The following BLVRA variants were observed in gnomAD, a reference collection of about 807,000 sequenced individuals.
The protein encoded by BLVRA is BVR A.
In BLVRA, 22 loss-of-function variants were observed where a neutral mutation model predicts 32.8. The ratio of observed to expected loss-of-function variants is 0.67; its 90% CI spans 0.48 to 0.96. BLVRA has a LOEUF of 0.96. BLVRA is among the 40% of genes least tolerant of loss of function. The pLI, the probability that BLVRA is intolerant of heterozygous loss-of-function variation, is 0.00. For missense variants in BLVRA, 323 were observed against 358.1 expected (o/e 0.90, Z 0.79); for synonymous variants, 119 against 141.3 (o/e 0.84, Z 1.12).
chr7:43,799,151 C>G (rs1424965329), intron 5 of BLVRA, among the ~76,000 whole-genome samples: 1 of 152,148 alleles, frequency 6.6e-6, no homozygotes, highest in Non-Finnish European at 1.5e-5. Context: ...TGGGAAGGAC[C>G]CCATCCTCCC....
Position 43,787,728 on chromosome 7 carries a change from C to G in BLVRA, c.13-176C>G, listed in dbSNP as rs2095779530. Among the ~76,000 whole-genome samples the G allele has an allele frequency of 6.6e-6, 1 of 152,214 alleles. No individual in the cohort carries two copies. Among genetic ancestry groups the G allele is most frequent in the South Asian group, 2.1e-4 (1 of 4,832 alleles). Reference sequence around the variant, plus strand: ...GAACAGGTTTTGGCGGGACTGACTTCTCTCCAAGCCCCCATTTCGGGGACT... The same window carrying G: ...GAACAGGTTTTGGCGGGACTGACTTGTCTCCAAGCCCCCATTTCGGGGACT... On this transcript the variant is annotated intron_variant, in intron 2 of 7. Transcript: ENST00000265523. This position sits in a 1 kb window ranked among gnomAD's most constrained non-coding sequence, Gnocchi z 4.5.
intron 1 of BLVRA, chr7:43,764,048 GA>G (rs1185128475): frequency 6.6e-6 from 1 of 152,232 alleles, no homozygotes; most frequent in Admixed American, 6.5e-5. Flanking sequence ...ATCTGCTGAA[GA>G]AAGATGTTCT....
At chr7:43,796,606 G>C (rs2095793122) in intron 5 of BLVRA, among the ~76,000 whole-genome samples, 1 of 152,166 alleles carries the variant, frequency 6.6e-6, no homozygotes, top group South Asian at 2.1e-4. Context: ...AATATTGTTA[G>C]AAGAAAACAT....
Position 43,800,478 on chromosome 7 carries a change from C to T in BLVRA, c.366C>T (p.His122=), listed in dbSNP as rs748847551. Residue 122 remains histidine, a synonymous_variant, in exon 6 of 8, where the codon CAC becomes CAT. Coordinates refer to ENST00000265523, the MANE Select transcript of BLVRA (RefSeq NM_000712.4). ...TTGTCGTTACAGGAAAAGTCTTGCACGAGGAGCATGTTGAACTCTTGATGG... is the reference window on the plus strand; with the variant it reads ...TTGTCGTTACAGGAAAAGTCTTGCATGAGGAGCATGTTGAACTCTTGATGG... ...ELAEQKGKVL[H]EEHVELLMEE... The T allele has an allele frequency of 8.1e-6, 13 of 1,613,886 alleles. No individual in the cohort carries two copies. Among genetic ancestry groups the T allele is most frequent in the South Asian group, 3.3e-5 (3 of 91,086 alleles).
chr7:43,789,520 G>A lies in BLVRA; in HGVS notation c.134+1495G>A, dbSNP rs1452979708. Among the ~76,000 whole-genome samples the A allele has an allele frequency of 5.3e-5, 8 of 150,506 alleles. No individual in the cohort carries two copies. In the East Asian group the frequency reaches 1.2e-3, roughly 22 times the overall value. ...ATCAGGCAGCACCGTAACCCCCATC[G>A]CACCCCTATCTGGAGCTGGGACCAC... On this transcript the variant is annotated intron_variant, in intron 3 of 7. Transcript: ENST00000265523.
chr7:43,792,601 A>G, intron 4 of BLVRA, 114 bp from the exon 5 acceptor site: 1 of 1,016,902 alleles, frequency 9.8e-7, no homozygotes, highest in Non-Finnish European at 1.5e-6. Context: ...GTCATGACAC[A>G]TTCACACACA....
chr7:43,786,480 G>A (rs1307954224), intron 2 of BLVRA, among the ~76,000 whole-genome samples: 1 of 152,168 alleles, frequency 6.6e-6, no homozygotes, highest in African/African-American at 2.4e-5. Flanking sequence ...AGAGCAAGGA[G>A]ACAGAAAATC....
chr7:43,791,432 G>A, intron 4 of BLVRA, 64 bp downstream of exon 4: 1 of 1,595,308 alleles, frequency 6.3e-7, no homozygotes. Flanking sequence ...AAATGAGCAA[G>A]CAAGCTAAAA....
chr7:43,766,910 T>A (rs753949444), intron 1 of BLVRA, among the ~76,000 whole-genome samples: 1 of 152,124 alleles, frequency 6.6e-6, no homozygotes, highest in Non-Finnish European at 1.5e-5. Context: ...GGCAGGAGGA[T>A]CACTTGAACC....
intron 1 of BLVRA, chr7:43,767,170 A>G (rs992111186): frequency 9.6e-6 from 5 of 521,900 alleles, no homozygotes; most frequent in African/African-American, 1.9e-5. Flanking sequence ...TAGGAAAACA[A>G]TAAAGTTCAT....
intron 1 of BLVRA, chr7:43,760,045 C>T (rs868219319): frequency 1.2e-4 from 16 of 135,506 alleles, no homozygotes; most frequent in African/African-American, 4.6e-4. Flanking sequence ...GGCTGGAGTA[C>T]AGTGGCGCGA....
chr7:43,768,296 G>A (rs765522133), intron 1 of BLVRA, among the ~76,000 whole-genome samples: 10 of 152,134 alleles, frequency 6.6e-5, no homozygotes, highest in Non-Finnish European at 1.0e-4. Context: ...TTTGACCGTC[G>A]TTGTTGCTTG....
chr7:43,775,174 A>G (rs1239126911), intron 2 of BLVRA, among the ~76,000 whole-genome samples: 2 of 151,970 alleles, frequency 1.3e-5, no homozygotes, highest in Non-Finnish European at 2.9e-5. Context: ...TTCCAACACT[A>G]TGTTGAATAG....
chr7:43,759,818 C>T (rs2095740241), intron 1 of BLVRA, among the ~76,000 whole-genome samples: 1 of 152,110 alleles, frequency 6.6e-6, no homozygotes. Flanking sequence ...GATAAATATG[C>T]TCATCCTTCC....
chr7:43,762,400 G>C (rs1443888558), intron 1 of BLVRA, among the ~76,000 whole-genome samples: 1 of 151,562 alleles, frequency 6.6e-6, no homozygotes, highest in Non-Finnish European at 1.5e-5. Flanking sequence ...TGCTGACAAA[G>C]CTCTGGAGTT....
intron 5 of BLVRA, among the ~76,000 whole-genome samples, chr7:43,793,770 C>G (rs891182770): frequency 9.9e-5 from 15 of 151,758 alleles, no homozygotes; most frequent in South Asian, 2.1e-4. Flanking sequence ...ATTACAGGCG[C>G]CCACCACCAT....
intron 5 of BLVRA, among the ~76,000 whole-genome samples, chr7:43,797,777 C>T (rs2095794378): frequency 2.0e-5 from 3 of 152,114 alleles, no homozygotes; most frequent in South Asian, 4.2e-4. Flanking sequence ...CTGGACAGTT[C>T]CTCCATCTTT....
At chr7:43,788,115 G>A (rs772600465) in intron 3 of BLVRA, 90 bp downstream of exon 3, 1 of 1,600,746 alleles carries the variant, frequency 6.2e-7, no homozygotes, top group Non-Finnish European at 8.5e-7. Context: ...CAGACCCAGG[G>A]CAGGGAGAGC....
At chr7:43,770,884 C>T (rs2095753956) in intron 1 of BLVRA, among the ~76,000 whole-genome samples, 1 of 152,198 alleles carries the variant, frequency 6.6e-6, no homozygotes, top group Non-Finnish European at 1.5e-5. Context: ...GGAGACGGAT[C>T]TGGGCTTGGA....
Sources: gnomAD v4.1 joint callset for allele counts (sites outside exome capture counted in the v4.1 genomes callset) on GRCh38, gnomAD v4.1.1 for gene constraint, Gnocchi (gnomAD v3.1) non-coding constraint, MANE v1.5 for transcripts, NCBI Gene and HGNC (gene_info 2026-07-23, HGNC 2026-07-21) for gene names.